Variants in TLE1 observed in about 807,000 individuals in gnomAD.
TLE1 encodes transducin-like enhancer protein 1.
TLE1 carries 21 observed loss-of-function variants against 89.8 expected under a neutral mutation model. The ratio of observed to expected loss-of-function variants is 0.23; its 90% CI spans 0.17 to 0.34. The LOEUF is 0.34. TLE1 is among the 10% of genes least tolerant of loss of function. The probability of loss-of-function intolerance (pLI) is 1.00; values close to 1 mark genes in which losing one functional copy is unlikely to be tolerated. For missense variants in TLE1, 795 were observed against 1,031.2 expected (o/e 0.77, Z 3.14); for synonymous variants, 447 against 407.6 (o/e 1.10, Z -1.16).
chr9:81,596,465 T>A (rs575313171), intron 14 of TLE1, among the ~76,000 whole-genome samples: 1 of 152,246 alleles, frequency 6.6e-6, no homozygotes, highest in South Asian at 2.1e-4. Flanking sequence ...GAGGAAATTA[T>A]TCACCTACAA....
chr9:81,627,907 T>C (rs1008932611), intron 8 of TLE1, among the ~76,000 whole-genome samples: 6 of 152,020 alleles, frequency 3.9e-5, no homozygotes, highest in Non-Finnish European at 5.9e-5. Flanking sequence ...GCCTGTGTAA[T>C]GTGTATTTTA....
At chr9:81,675,718 T>TTTTTTTTTTTTTTTTTTTTTTTTTA (rs1432501092) in intron 4 of TLE1, among the ~76,000 whole-genome samples, 2 of 149,858 alleles carry the variant, frequency 1.3e-5, no homozygotes, top group African/African-American at 5.0e-5. Flanking sequence ...GTTTTTTTTT[T>TTTTTTTTTTTTTTTTTTTTTTTTTA]TGAGACGGAG....
At position 81,662,362 on chromosome 9, in the gene TLE1, TG is replaced by T. The variant is rs1324958578; in HGVS notation, c.235-8327del. On this transcript the variant is annotated intron_variant, in intron 4 of 19. Coordinates refer to ENST00000376499, the MANE Select transcript of TLE1 (RefSeq NM_005077.5). ...GGTGTTAGTATTAGTGTGCCTGTTT[TG>T]TGTGTGTGTGTGTGTGTGTGTGTGT... Among the ~76,000 whole-genome samples, 14 of 1,336 alleles carry T rather than the reference TG, an allele frequency of 0.01. No individual in the cohort carries two copies. The East Asian group carries it at 0.23, about 21-fold the overall frequency. 0.9% of individuals were successfully genotyped at this position (1,336 alleles called of 152,430 possible). A position where few individuals can be genotyped will look rare whatever the true frequency, so the allele number is the denominator to read the frequency against.
chr9:81,584,868 A>G (rs546732196), intron 18 of TLE1, among the ~76,000 whole-genome samples: 1 of 152,234 alleles, frequency 6.6e-6, no homozygotes, highest in African/African-American at 2.4e-5. Flanking sequence ...CCCATCTTTA[A>G]TGGGAATTAA....
In TLE1 at chr9:81,591,867, A is replaced by G. The variant is rs112560737; in HGVS notation, c.1582-815T>C. Among the ~76,000 whole-genome samples the G allele has an allele frequency of 2.8e-3, 425 of 152,358 alleles. 4 individuals are homozygous for G. The highest frequency in any genetic ancestry group is 0.02 in the Middle Eastern group (6 of 294). On this transcript the variant is annotated intron_variant, in intron 15 of 19. Transcript: ENST00000376499. ...TACTCTAAAAAAAGTCTGTGTTTCC[A>G]AAACACCGCCACTCTGCTTTTTGGA...
intron 16 of TLE1, among the ~76,000 whole-genome samples, chr9:81,588,490 G>C (rs1001756680): frequency 2.0e-5 from 3 of 152,186 alleles, no homozygotes; most frequent in African/African-American, 7.2e-5. Context: ...AGAGACACAG[G>C]TAATTGCTGA....
At position 81,593,163 on chromosome 9, in the gene TLE1, G is replaced by A. The variant is rs1829775767; in HGVS notation, c.1443C>T (p.Leu481=). The A allele has an allele frequency of 6.2e-7, 1 of 1,614,226 alleles. No homozygotes were observed. The highest frequency in any genetic ancestry group is 8.5e-7 in the Non-Finnish European group (1 of 1,180,044). The change falls in exon 15 of 20, where the codon CTC becomes CTT. Residue 481 remains leucine (L), a synonymous_variant. Coordinates refer to ENST00000376499, the MANE Select transcript of TLE1 (RefSeq NM_005077.5). ...CAGCGCACACCACCTCCCCGTGGTT[G>A]AGGGTGTTGATCTGGCGAGCATGCC... ...IPRHARQINT[L]NHGEVVCAVT...
intron 12 of TLE1, 121 bp downstream of exon 12, chr9:81,613,256 G>T: frequency 7.4e-7 from 1 of 1,357,154 alleles, no homozygotes; most frequent in Non-Finnish European, 9.9e-7. Context: ...GAGATAGGAA[G>T]GAGGGTGGCC....
At chr9:81,640,777 C>T (rs1232397768) in intron 6 of TLE1, among the ~76,000 whole-genome samples, 1 of 152,206 alleles carries the variant, frequency 6.6e-6, no homozygotes, top group African/African-American at 2.4e-5. Context: ...ATAGTTTCTA[C>T]ACACAGTCAC....
intron 6 of TLE1, among the ~76,000 whole-genome samples, chr9:81,636,401 C>G (rs1213359487): frequency 7.7e-6 from 1 of 130,000 alleles, no homozygotes; most frequent in Non-Finnish European, 1.5e-5. Context: ...GCCCTACCAG[C>G]AATTACTATC....
At position 81,689,499 on chromosome 9, in the gene TLE1, C is replaced by T. The variant is rs1834757813; in HGVS notation, c.-1259G>A. Reference sequence around the variant, plus strand: ...TTTCTGCTGCTGCTGCTTCTGCAGCCGCCGCTCCCACCGCCGCCGCCGCCC... The same window carrying T: ...TTTCTGCTGCTGCTGCTTCTGCAGCTGCCGCTCCCACCGCCGCCGCCGCCC... On this transcript the variant is annotated 5_prime_UTR_variant, in exon 1 of 20. Coordinates refer to ENST00000376499, the MANE Select transcript of TLE1 (RefSeq NM_005077.5). Among the ~76,000 whole-genome samples the T allele has an allele frequency of 6.6e-6, 1 of 151,998 alleles. No homozygotes were observed. The highest frequency in any genetic ancestry group is 2.4e-5 in the African/African-American group (1 of 41,390).
intron 14 of TLE1, among the ~76,000 whole-genome samples, chr9:81,609,711 G>A (rs1457676324): frequency 1.3e-5 from 2 of 152,036 alleles, no homozygotes; most frequent in South Asian, 2.1e-4. Context: ...GTAAACCTGG[G>A]GTGCTGGCAT....
At chr9:81,654,853 T>C (rs996118703) in intron 4 of TLE1, among the ~76,000 whole-genome samples, 1 of 152,148 alleles carries the variant, frequency 6.6e-6, no homozygotes, top group African/African-American at 2.4e-5. Context: ...GATTTTATTG[T>C]TCATAGCTTC....
chr9:81,584,441 TACTC>T lies in TLE1; in HGVS notation c.2205+3_2205+6del. The T allele has an allele frequency of 6.2e-7, 1 of 1,614,066 alleles. No homozygotes were observed. Among genetic ancestry groups the T allele is most frequent in the Non-Finnish European group, 8.5e-7 (1 of 1,179,964 alleles). On this transcript the variant is annotated splice_donor_5th_base_variant and intron_variant, in intron 19 of 19. Coordinates refer to ENST00000376499, the MANE Select transcript of TLE1 (RefSeq NM_005077.5). ...ACTGTGGATCTAGGTGAGGAGTACT[TACTC>T]ACCTGGAATATGCTGGCTCCATAGG... is the stretch of plus-strand genomic sequence containing the variant.
intron 4 of TLE1, among the ~76,000 whole-genome samples, chr9:81,668,599 G>A (rs1831807100): frequency 6.6e-6 from 1 of 152,016 alleles, no homozygotes; most frequent in Non-Finnish European, 1.5e-5. Context: ...ATTCCTCCAA[G>A]ATAACAATCA....
intron 4 of TLE1, among the ~76,000 whole-genome samples, chr9:81,682,892 A>G (rs1833801049): frequency 6.6e-6 from 1 of 152,232 alleles, no homozygotes; most frequent in Non-Finnish European, 1.5e-5. Flanking sequence ...ATCTATTACC[A>G]TTCCTGTTTC....
intron 4 of TLE1, among the ~76,000 whole-genome samples, chr9:81,671,771 T>C (rs1033685313): frequency 1.2e-4 from 19 of 152,250 alleles, no homozygotes; most frequent in African/African-American, 4.6e-4. Context: ...TAGTCGATTA[T>C]AAAATACAGA....
chr9:81,677,429 G>A (rs1037247537), intron 4 of TLE1, among the ~76,000 whole-genome samples: 15 of 151,564 alleles, frequency 9.9e-5, no homozygotes, highest in African/African-American at 2.2e-4. Context: ...GCCGGGCATC[G>A]TGGCAGACGC....
At chr9:81,627,198 GAAATGATAAAA>G (rs1435913517) in intron 8 of TLE1, among the ~76,000 whole-genome samples, 1 of 152,000 alleles carries the variant, frequency 6.6e-6, no homozygotes, top group African/African-American at 2.4e-5. Flanking sequence ...TCCCAGTGAG[GAAATGATAAAA>G]AGATTATAGG....
Sources: allele counts gnomAD v4.1 joint callset (sites outside exome capture counted in the v4.1 genomes callset), GRCh38; gene constraint gnomAD v4.1.1; transcripts MANE v1.5; gene names NCBI Gene and HGNC (gene_info 2026-07-23, HGNC 2026-07-21).